Variants in MEOX1 observed in about 807,000 individuals in gnomAD.
MEOX1 encodes the protein homeobox protein MOX-1.
In MEOX1, 17 loss-of-function variants were observed where a neutral mutation model predicts 23.2. The ratio of observed to expected loss-of-function variants is 0.73; its 90% CI spans 0.50 to 1.10. MEOX1 has a LOEUF of 1.10. Among genes scored for constraint, MEOX1 ranks in the 50% least tolerant of loss-of-function variants. The probability of loss-of-function intolerance (pLI) is 0.00; values close to 1 mark genes in which losing one functional copy is unlikely to be tolerated. For missense variants in MEOX1, 333 were observed against 332.2 expected (o/e 1.00, Z -0.02); for synonymous variants, 134 against 135.1 (o/e 0.99, Z 0.06).
chr17:43,650,466 G>A (rs1972893453), intron 1 of MEOX1, among the ~76,000 whole-genome samples: 1 of 152,156 alleles, frequency 6.6e-6, no homozygotes, highest in African/African-American at 2.4e-5. Context: ...AAGATCCAGA[G>A]ACTAAATGAC....
In MEOX1 at chr17:43,649,159, C is replaced by A. The variant is rs1217760187; in HGVS notation, c.470-5499G>T. Among the ~76,000 whole-genome samples the A allele has an allele frequency of 2.6e-5, 4 of 152,136 alleles. No individual in the cohort carries two copies. The East Asian group carries it at 7.7e-4, about 29-fold the overall frequency. The stretch of plus-strand genomic sequence containing the variant: ...TCACTGAAGCTCTGTTCACAAGAAC[C>A]ATCAGAAAGAGTTCTATTGGAGATT... On this transcript the variant is annotated intron_variant, in intron 1 of 2. Coordinates refer to ENST00000318579, the MANE Select transcript of MEOX1 (RefSeq NM_004527.4).
In MEOX1 at chr17:43,661,682, A is replaced by C. The variant is rs1973149303; in HGVS notation, c.-148T>G. The C allele has an allele frequency of 1.8e-6, 1 of 560,436 alleles. No homozygotes were observed. Among genetic ancestry groups the C allele is most frequent in the Non-Finnish European group, 3.0e-6 (1 of 334,178 alleles). The allele number at this position is 560,436 out of a possible 1,614,324, so 34.7% of individuals were successfully genotyped here. ...TTTACCCCAGGAACCAAAAAAAAAA[A>C]AAAACCCAAAACTAAAGTCTCTCCT... On this transcript the variant is annotated 5_prime_UTR_variant, in exon 1 of 3. Transcript: ENST00000318579.
At chr17:43,658,118 G>T (rs547033277) in intron 1 of MEOX1, among the ~76,000 whole-genome samples, 1 of 152,368 alleles carries the variant, frequency 6.6e-6, no homozygotes, top group East Asian at 1.9e-4. Context: ...TATGGAAAAC[G>T]CGTTTCTGAT....
At chr17:43,654,039 C>T (rs867188889) in intron 1 of MEOX1, among the ~76,000 whole-genome samples, 3 of 152,170 alleles carry the variant, frequency 2.0e-5, no homozygotes, top group South Asian at 4.1e-4. Flanking sequence ...TTCCTGTCCC[C>T]GTACAGTCCT....
rs143115124 is a variant in MEOX1 at position 43,641,965 on chromosome 17, G to T, written c.710C>A (p.Pro237His). Residue 237 changes from proline (P) to histidine (H), a missense_variant, in exon 3 of 3, where the codon CCC becomes CAC. Coordinates refer to ENST00000318579, the MANE Select transcript of MEOX1 (RefSeq NM_004527.4). ...KRVKGGQPIS[P>H]NGQDPEDGDS... ...CCCATCCTCAGGGTCCTGCCCATTG[G>T]GGGAGATGGGCTGACCTCCCTTCAC... is the stretch of plus-strand genomic sequence containing the variant. 7 of 1,613,634 alleles carry T rather than the reference G, an allele frequency of 4.3e-6. No homozygotes were observed. The highest frequency in any genetic ancestry group is 3.3e-4 in the Middle Eastern group (2 of 6,082).
intron 1 of MEOX1, among the ~76,000 whole-genome samples, chr17:43,647,468 A>C (rs1220452045): frequency 1.3e-5 from 2 of 152,200 alleles, no homozygotes; most frequent in Non-Finnish European, 2.9e-5. Context: ...ATTTGAACCC[A>C]GATCCATCTG....
At chr17:43,655,461 C>T (rs1285228741) in intron 1 of MEOX1, among the ~76,000 whole-genome samples, 4 of 149,614 alleles carry the variant, frequency 2.7e-5, no homozygotes, top group Non-Finnish European at 5.9e-5. Context: ...CAGAGTGAGA[C>T]TCCGTCTCAA....
At chr17:43,643,813 G>T (rs1366833304) in intron 1 of MEOX1, among the ~76,000 whole-genome samples, 153 bp from the exon 2 acceptor site, 1 of 151,928 alleles carries the variant, frequency 6.6e-6, no homozygotes, top group Non-Finnish European at 1.5e-5. Flanking sequence ...TATTCCTTCT[G>T]GTGTCTTACC....
chr17:43,656,416 G>C (rs984192357), intron 1 of MEOX1, among the ~76,000 whole-genome samples: 1 of 152,060 alleles, frequency 6.6e-6, no homozygotes, highest in Non-Finnish European at 1.5e-5. Context: ...CTGGGGCGGG[G>C]AGGTGGCCTG....
In MEOX1 at chr17:43,643,589, C is replaced by G. The variant is rs765559987; in HGVS notation, c.541G>C (p.Glu181Gln). ...TCTGCCTCCAGCTCTCGCAGCTGCT[C>G]CTTGGTGAAGGCCGTCCTCTCCTTG... The part of the protein sequence containing the change: ...ARKERTAFTK[E>Q]QLRELEAEFA... The change falls in exon 2 of 3, where the codon GAG (glutamate) becomes CAG (glutamine). Residue 181 changes from glutamate to glutamine, a missense_variant. Transcript: ENST00000318579. 1.1e-5 allele frequency: 17 copies of G among 1,613,254 alleles called. No homozygotes were observed. In the South Asian group the frequency reaches 1.9e-4, roughly 18 times the overall value.
chr17:43,650,073 C>T (rs1002837102), intron 1 of MEOX1, among the ~76,000 whole-genome samples: 3 of 152,164 alleles, frequency 2.0e-5, no homozygotes, highest in Admixed American at 1.3e-4. Context: ...TCTGAGGGCA[C>T]CAGTTTACAT....
At chr17:43,657,475 C>T (rs1296544727) in intron 1 of MEOX1, among the ~76,000 whole-genome samples, 3 of 152,002 alleles carry the variant, frequency 2.0e-5, no homozygotes, top group Non-Finnish European at 2.9e-5. Flanking sequence ...GCATGAGCCA[C>T]CGCGCCCGGC....
rs1050944425 is a variant in MEOX1 at position 43,648,235 on chromosome 17, C to T, written c.470-4575G>A. On this transcript the variant is annotated intron_variant, in intron 1 of 2. Transcript: ENST00000318579. ...CTGTAATCCCAGCACTTTGGGAGGC[C>T]GAGGCGGGCGGATCATAAGGTCAGG... Among the ~76,000 whole-genome samples the T allele has an allele frequency of 1.2e-4, 18 of 151,986 alleles. 1 individual carries two copies. The highest frequency in any genetic ancestry group is 1.0e-4 in the Non-Finnish European group (7 of 68,006).
chr17:43,645,825 C>T (rs1030643067), intron 1 of MEOX1, among the ~76,000 whole-genome samples: 58 of 152,250 alleles, frequency 3.8e-4, no homozygotes, highest in African/African-American at 9.6e-5. Context: ...TTGCTTTCCA[C>T]TCAATCCCTT....
chr17:43,643,632 C>G lies in MEOX1; in HGVS notation c.498G>C (p.Glu166Asp). Residue 166 changes from glutamate to aspartate, a missense_variant, in exon 2 of 3, where the codon GAG becomes GAC. Coordinates refer to ENST00000318579, the MANE Select transcript of MEOX1 (RefSeq NM_004527.4). ...TCTCCTTGCGGGCTTTGCTGCTGCCCTCCGGCTTCCCTCTGTTCTCCTGGT... is the reference window on the plus strand; with the variant it reads ...TCTCCTTGCGGGCTTTGCTGCTGCCGTCCGGCTTCCCTCTGTTCTCCTGGT... ...SDNQENRGKPEGSSKARKERT... is the reference protein window; with the variant it reads ...SDNQENRGKPDGSSKARKERT... The G allele has an allele frequency of 6.2e-7, 1 of 1,613,482 alleles. No homozygotes were observed. Among genetic ancestry groups the G allele is most frequent in the Non-Finnish European group, 8.5e-7 (1 of 1,179,884 alleles).
chr17:43,646,877 C>G (rs1232416187), intron 1 of MEOX1, among the ~76,000 whole-genome samples: 1 of 152,182 alleles, frequency 6.6e-6, no homozygotes, highest in Non-Finnish European at 1.5e-5. Context: ...ATCCCAGCTA[C>G]TCGGGAGGCT....
intron 1 of MEOX1, among the ~76,000 whole-genome samples, chr17:43,645,577 C>G (rs1328451604): frequency 1.3e-5 from 2 of 152,178 alleles, no homozygotes; most frequent in East Asian, 3.9e-4. Context: ...CCCATCTCTG[C>G]CTTGCCGGCG....
intron 1 of MEOX1, among the ~76,000 whole-genome samples, chr17:43,659,743 C>T (rs981117621): frequency 3.9e-5 from 6 of 152,222 alleles, no homozygotes; most frequent in African/African-American, 1.2e-4. Flanking sequence ...ATAAAACCTG[C>T]TGTCCCCATC....
At chr17:43,649,508 C>T (rs1246890697) in intron 1 of MEOX1, among the ~76,000 whole-genome samples, 6 of 152,048 alleles carry the variant, frequency 3.9e-5, no homozygotes, top group East Asian at 1.9e-4. Flanking sequence ...GGTTTCTCCA[C>T]GTTGGCCAGG....
Sources: gnomAD v4.1 joint callset for allele counts (sites outside exome capture counted in the v4.1 genomes callset) on GRCh38, gnomAD v4.1.1 for gene constraint, MANE v1.5 for transcripts, NCBI Gene and HGNC (gene_info 2026-07-23, HGNC 2026-07-21) for gene names.